NOP56: variants seen among roughly 807,000 people sequenced by gnomAD.
NOP56 encodes nucleolar protein 56.
In NOP56, 31 loss-of-function variants were observed where a neutral mutation model predicts 58.3. That is an observed-to-expected ratio of 0.53 (90% CI 0.40 to 0.72). NOP56 has a LOEUF of 0.72. NOP56 is among the 30% of genes least tolerant of loss of function. The probability of loss-of-function intolerance (pLI) is 0.00; values close to 1 mark genes in which losing one functional copy is unlikely to be tolerated. For missense variants in NOP56, 669 were observed against 739.9 expected (o/e 0.90, Z 1.11); for synonymous variants, 313 against 282.8 (o/e 1.11, Z -1.07).
rs1183111881 is a variant in NOP56 at position 2,652,848 on chromosome 20, T to C, written c.10T>C (p.Leu4=). 1.2e-6 allele frequency: 2 copies of C among 1,610,808 alleles called. No individual in the cohort carries two copies. Among genetic ancestry groups the C allele is most frequent in the Non-Finnish European group, 1.7e-6 (2 of 1,179,034 alleles). Residue 4 remains leucine (L), a synonymous_variant, in exon 2 of 12, where the codon TTG becomes CTG. Coordinates refer to ENST00000329276, the MANE Select transcript of NOP56 (RefSeq NM_006392.4). The part of the protein sequence containing the change: MVL[L]HVLFEHAVGY... ...GCCCCGGCTCCCGTTCCAGGTGCTG[T>C]TGCACGTGCTGTTTGAGCACGCGGT... is the stretch of plus-strand genomic sequence containing the variant.
Position 2,653,360 on chromosome 20 carries a change from G to T in NOP56, c.175G>T (p.Val59Phe). 5 of 1,614,128 alleles carry T rather than the reference G, an allele frequency of 3.1e-6. No homozygotes were observed. Among genetic ancestry groups the T allele is most frequent in the Non-Finnish European group, 3.4e-6 (4 of 1,180,018 alleles). Reference sequence around the variant, plus strand: ...CTTTTGTCCCTTTGCCTCATCCCAGGTTGCCTTGGAAAATGCCAACGCCGT... The same window carrying T: ...CTTTTGTCCCTTTGCCTCATCCCAGTTTGCCTTGGAAAATGCCAACGCCGT... ...VAFCPFASSQ[V>F]ALENANAVSE... is the part of the protein sequence containing the mutation. Residue 59 changes from valine (V) to phenylalanine (F), a missense_variant, in exon 3 of 12, where the codon GTT becomes TTT. Val to Phe is a conservative substitution (Grantham distance 50). This residue lies in a region of NOP56 where 121 missense variants were observed against 113.1 expected (regional missense o/e 1.07). Transcript: ENST00000329276.
chr20:2,657,630 C>CT (rs1259472806), intron 11 of NOP56: 2 of 513,906 alleles, frequency 3.9e-6, no homozygotes, highest in Admixed American at 3.6e-5. Context: ...CACCCAGTTT[C>CT]TTAAACAGTG....
At chr20:2,657,889 G>A in intron 11 of NOP56, 40 bp from the exon 12 acceptor site, 1 of 1,536,780 alleles carries the variant, frequency 6.5e-7, no homozygotes, top group Non-Finnish European at 8.7e-7. Flanking sequence ...GATGTAATGA[G>A]CACTGTTCTC....
intron 8 of NOP56, 168 bp downstream of exon 8, chr20:2,656,202 A>G (rs1252736614): frequency 1.9e-6 from 3 of 1,605,594 alleles, no homozygotes; most frequent in Non-Finnish European, 2.5e-6. Context: ...CAGCAAAGGG[A>G]CCAAGTTTCC....
chr20:2,655,736 T>C lies in NOP56; in HGVS notation c.899T>C (p.Ile300Thr), dbSNP rs748819142. The C allele has an allele frequency of 9.9e-6, 16 of 1,614,024 alleles. No individual in the cohort carries two copies. Among genetic ancestry groups the C allele is most frequent in the South Asian group, 2.2e-5 (2 of 91,082 alleles). The part of the protein sequence containing the change: ...SQVAPSLSAL[I>T]GEAVGARLIA... ...GTAGCCCCCAGCCTGTCAGCCCTAA[T>C]TGGGGAAGCGGTGCGTCACAGGGGA... is the stretch of plus-strand genomic sequence containing the variant. Residue 300 changes from isoleucine to threonine, a missense_variant, in exon 7 of 12, where the codon ATT (isoleucine) becomes ACT (threonine). Around this residue, in one of 3 missense-constraint regions of NOP56, gnomAD observed 339 missense variants for 430.5 expected, o/e 0.79. Coordinates refer to ENST00000329276, the MANE Select transcript of NOP56 (RefSeq NM_006392.4).
Position 2,657,150 on chromosome 20 carries a change from A to G in NOP56, c.1351A>G (p.Lys451Glu), listed in dbSNP as rs2086833731. 6.2e-7 allele frequency: 1 copy of G among 1,614,188 alleles called. No homozygotes were observed. The highest frequency in any genetic ancestry group is 8.5e-7 in the Non-Finnish European group (1 of 1,180,044). ...GGAGAAGAAACGCTTAAAGAAGGAA[A>G]AGAAACGGCTGGCTGCACTTGCCCT... ...KQEKKRLKKE[K>E]KRLAALALAS... Residue 451 changes from lysine to glutamate, a missense_variant, in exon 11 of 12, where the codon AAG becomes GAG. Transcript: ENST00000329276.
intron 8 of NOP56, 23 bp from the exon 9 acceptor site, chr20:2,656,378 C>T: frequency 6.2e-7 from 1 of 1,613,960 alleles, no homozygotes; most frequent in Non-Finnish European, 8.5e-7. Flanking sequence ...TGATCTTAAA[C>T]TCTCCACTGA....
intron 8 of NOP56, 25 bp downstream of exon 8, chr20:2,656,059 A>C: frequency 6.2e-7 from 1 of 1,614,016 alleles, no homozygotes; most frequent in African/African-American, 1.3e-5. Flanking sequence ...ACCTGCCCAC[A>C]ATCAGGTGCC....
chr20:2,655,798 A>G lies in NOP56; in HGVS notation c.909+52A>G, dbSNP rs1036242891. 6.2e-6 allele frequency: 10 copies of G among 1,613,266 alleles called. No individual in the cohort carries two copies. The East Asian group carries it at 6.7e-5, about 11-fold the overall frequency. On this transcript the variant is annotated intron_variant, in intron 7 of 11. Coordinates refer to ENST00000329276, the MANE Select transcript of NOP56 (RefSeq NM_006392.4). ...GAGAATAAGGACTGTTGCCATGTGC[A>G]CCTGCACTGCTGTATTTCGTGACCC...
chr20:2,657,273 C>T (rs1479286012), intron 11 of NOP56, 55 bp downstream of exon 11: 3 of 1,611,264 alleles, frequency 1.9e-6, no homozygotes, highest in African/African-American at 1.3e-5. Context: ...TTTTCAACAG[C>T]AGAACAAAGG....
chr20:2,654,380 G>C (rs2086790379), intron 3 of NOP56, 34 bp from the exon 4 acceptor site: 1 of 1,613,440 alleles, frequency 6.2e-7, no homozygotes, highest in Admixed American at 1.7e-5. Flanking sequence ...TCGTCCTTCA[G>C]CCTGTTAGTG....
chr20:2,655,229 T>C, intron 5 of NOP56, 96 bp from the exon 6 acceptor site: 1 of 1,442,264 alleles, frequency 6.9e-7, no homozygotes, highest in Non-Finnish European at 9.8e-7. Flanking sequence ...TTTGTCCCAT[T>C]TCCTCCAGGC....
chr20:2,656,050 C>G lies in NOP56; in HGVS notation c.1010+16C>G. On this transcript the variant is annotated intron_variant, in intron 8 of 11. Transcript: ENST00000329276. The stretch of plus-strand genomic sequence containing the variant: ...CCCTGTTCAGGTACCAGTGAGGGCA[C>G]CTGCCCACAATCAGGTGCCACTTCT... The G allele has an allele frequency of 6.2e-7, 1 of 1,614,120 alleles. No individual in the cohort carries two copies. The highest frequency in any genetic ancestry group is 8.5e-7 in the Non-Finnish European group (1 of 1,180,030).
In NOP56 at chr20:2,658,176, C is replaced by T. The variant is rs1323073446; in HGVS notation, c.1667C>T (p.Ser556Phe). The T allele has an allele frequency of 6.2e-6, 10 of 1,611,450 alleles. No individual in the cohort carries two copies. The highest frequency in any genetic ancestry group is 8.5e-6 in the Non-Finnish European group (10 of 1,178,758). ...DPEEAGHRSG[S>F]KKKRKFSKEE... ...GAGGAGGCAGGCCACAGAAGTGGCT[C>T]CAAGAAAAAGAGGAAATTCTCCAAA... Residue 556 changes from serine (S) to phenylalanine (F), a missense_variant, in exon 12 of 12, where the codon TCC (serine) becomes TTC (phenylalanine). Ser to Phe is a radical substitution (Grantham distance 155). Around this residue, in one of 3 missense-constraint regions of NOP56, gnomAD observed 209 missense variants for 196.2 expected, o/e 1.07. Coordinates refer to ENST00000329276, the MANE Select transcript of NOP56 (RefSeq NM_006392.4).
rs778412263 is a variant in NOP56, at chr20:2,658,144, T to C, written c.1635T>C (p.Asn545=). The change falls in exon 12 of 12, where the codon AAT becomes AAC. Residue 545 remains asparagine (N), a synonymous_variant. Coordinates refer to ENST00000329276, the MANE Select transcript of NOP56 (RefSeq NM_006392.4). ...KKSTPKEETV[N]DPEEAGHRSG... ...CTACACCCAAGGAGGAAACAGTTAA[T>C]GACCCTGAGGAGGCAGGCCACAGAA... The C allele has an allele frequency of 6.2e-7, 1 of 1,613,954 alleles. No homozygotes were observed. The highest frequency in any genetic ancestry group is 2.2e-5 in the East Asian group (1 of 44,874).
At chr20:2,653,213 C>A (rs1159064203) in intron 2 of NOP56, 66 bp from the exon 3 acceptor site, 3 of 1,309,136 alleles carry the variant, frequency 2.3e-6, no homozygotes, top group Admixed American at 1.7e-5. Context: ...CTGAGAACCG[C>A]TGCTTGACTG....
At chr20:2,655,880 A>G in intron 7 of NOP56, 54 bp from the exon 8 acceptor site, 33 of 1,612,590 alleles carry the variant, frequency 2.0e-5, no homozygotes, top group Non-Finnish European at 2.7e-5. Flanking sequence ...CTGTCGTGCA[A>G]CTGGGCAGGT....
chr20:2,653,815 C>G lies in NOP56; in HGVS notation c.208+422C>G, dbSNP rs544768190. The stretch of plus-strand genomic sequence containing the variant: ...TACAGGCCTGTGCCAGCCACCACAC[C>G]CGGCTAATTTTGTATTTTTGGTAGA... On this transcript the variant is annotated intron_variant, in intron 3 of 11. Coordinates refer to ENST00000329276, the MANE Select transcript of NOP56 (RefSeq NM_006392.4). The G allele has an allele frequency of 7.7e-5, 20 of 259,480 alleles. No homozygotes were observed. In the South Asian group the frequency reaches 8.3e-4, roughly 11 times the overall value. The allele number at this position is 259,480 out of a possible 1,614,324, so 16.1% of individuals were successfully genotyped here. A position where few individuals can be genotyped will look rare whatever the true frequency, so the allele number is the denominator to read the frequency against.
chr20:2,656,145 C>T, intron 8 of NOP56, 111 bp downstream of exon 8: 2 of 1,610,798 alleles, frequency 1.2e-6, no homozygotes, highest in South Asian at 1.1e-5. Flanking sequence ...CAGGCCTCTG[C>T]TATGGGGGTG....
Sources: gnomAD v4.1 joint callset for allele counts on GRCh38, gnomAD v4.1.1 for gene constraint, gnomAD v4.1.1 regional missense constraint, MANE v1.5 for transcripts, NCBI Gene and HGNC (gene_info 2026-07-23, HGNC 2026-07-21) for gene names.